SAMD7: variants seen among roughly 807,000 people sequenced by gnomAD.
SAMD7 encodes the protein sterile alpha motif domain-containing protein 7.
In SAMD7, 34 loss-of-function variants were observed where a neutral mutation model predicts 36.7. The observed-to-expected ratio is 0.93, with a 90% confidence interval of 0.71 to 1.23. The LOEUF is 1.23. SAMD7 is among the 50% of genes most tolerant of loss of function. The pLI is 0.00. For synonymous variants in SAMD7, 188 were observed against 189.7 expected, an observed-to-expected ratio of 0.99 and a Z score of 0.07; for missense variants, 570 against 546.6, an observed-to-expected ratio of 1.04 and a Z score of -0.43.
In SAMD7 at chr3:169,928,573, G is replaced by A. The variant is rs753551961; in HGVS notation, c.1036G>A (p.Ala346Thr). The change falls in exon 7 of 9, where the codon GCT (alanine) becomes ACT (threonine). Residue 346 changes from alanine (A) to threonine (T), a missense_variant. Physicochemically the swap from Ala to Thr is moderately conservative, Grantham distance 58. Transcript: ENST00000335556. ...CAGCCTTCCAGGTTGTTCAGACTAT[G>A]CTCAGGTGACTTAATGTTTAAGTAT... ...IRSLPGCSDYAQVFKDHAIDG... is the reference protein window; with the variant it reads ...IRSLPGCSDYTQVFKDHAIDG... The A allele has an allele frequency of 3.7e-6, 6 of 1,612,950 alleles. No homozygotes were observed. The African/African-American group carries it at 4.0e-5, about 11-fold the overall frequency.
intron 2 of SAMD7, among the ~76,000 whole-genome samples, chr3:169,917,634 T>TTTA (rs980445367): frequency 6.6e-6 from 1 of 150,588 alleles, no homozygotes; most frequent in African/African-American, 2.4e-5. Flanking sequence ...TGTTTATTTA[T>TTTA]TTATTTATTT....
At position 169,922,640 on chromosome 3, in the gene SAMD7, C is replaced by G. The variant is rs527274426; in HGVS notation, c.211+1302C>G. On this transcript the variant is annotated intron_variant, in intron 4 of 8. Coordinates refer to ENST00000335556, the MANE Select transcript of SAMD7 (RefSeq NM_001304366.2). Reference sequence around the variant, plus strand: ...TCAGCCTGCCAAGTAGCTGGGATTACAGGTGTGCGCCACCACACCCGGCTA... The same window carrying G: ...TCAGCCTGCCAAGTAGCTGGGATTAGAGGTGTGCGCCACCACACCCGGCTA... Among the ~76,000 whole-genome samples the G allele has an allele frequency of 1.6e-3, 247 of 152,306 alleles. 1 individual carries two copies. The highest frequency in any genetic ancestry group is 5.7e-3 in the African/African-American group (238 of 41,580).
Position 169,919,478 on chromosome 3 carries a change from A to G in SAMD7, c.-21A>G, listed in dbSNP as rs747874606. 3.8e-6 allele frequency: 6 copies of G among 1,599,226 alleles called. No individual in the cohort carries two copies. In the African/African-American group the frequency reaches 4.0e-5, roughly 11 times the overall value. ...TTTAGAACTCCATTAGTGGCGAGAG[A>G]TATTGAAGACAAACCCGGTGATGGC... is the stretch of plus-strand genomic sequence containing the variant. On this transcript the variant is annotated 5_prime_UTR_variant, in exon 3 of 9. Transcript: ENST00000335556.
chr3:169,924,041 G>A (rs1001844249), intron 4 of SAMD7, among the ~76,000 whole-genome samples: 5 of 152,128 alleles, frequency 3.3e-5, no homozygotes, highest in Admixed American at 6.5e-5. Flanking sequence ...CTCTGTGTCC[G>A]TGGGCAGTAT....
At position 169,926,861 on chromosome 3, in the gene SAMD7, G is replaced by A. The variant is rs150704593; in HGVS notation, c.599G>A (p.Ser200Asn). ...NQKALDSDAE[S>N]SKSQAEEKIL... Reference sequence around the variant, plus strand: ...AAAGCTCTAGACAGTGATGCTGAGAGTTCCAAAAGTCAAGCAGAAGAAAAA... The same window carrying A: ...AAAGCTCTAGACAGTGATGCTGAGAATTCCAAAAGTCAAGCAGAAGAAAAA... The change falls in exon 6 of 9, where the codon AGT becomes AAT. Residue 200 changes from serine to asparagine, a missense_variant. Coordinates refer to ENST00000335556, the MANE Select transcript of SAMD7 (RefSeq NM_001304366.2). The A allele has an allele frequency of 3.5e-5, 56 of 1,613,918 alleles. No individual in the cohort carries two copies. In the African/African-American group the frequency reaches 6.7e-4, roughly 19 times the overall value.
intron 7 of SAMD7, chr3:169,932,380 A>C (rs112535581): frequency 1.5e-6 from 1 of 650,876 alleles, no homozygotes; most frequent in African/African-American, 1.8e-5. Flanking sequence ...TTTCGAACCT[A>C]AGTAGTATAG....
intron 2 of SAMD7, among the ~76,000 whole-genome samples, chr3:169,915,769 G>A (rs1712772124): frequency 6.6e-6 from 1 of 151,412 alleles, no homozygotes; most frequent in Non-Finnish European, 1.5e-5. Context: ...GTAGAGACGG[G>A]GTTTCACCAT....
intron 7 of SAMD7, among the ~76,000 whole-genome samples, chr3:169,931,741 G>A (rs1713502783): frequency 6.6e-6 from 1 of 152,230 alleles, no homozygotes; most frequent in African/African-American, 2.4e-5. Flanking sequence ...CCAGGGAATG[G>A]TGGGAGCTGC....
intron 4 of SAMD7, among the ~76,000 whole-genome samples, chr3:169,924,338 C>T (rs1475284866): frequency 6.6e-6 from 1 of 151,984 alleles, no homozygotes; most frequent in African/African-American, 2.4e-5. Context: ...CCTGTAATCC[C>T]AGCACTTTGG....
At chr3:169,933,602 C>G (rs990996868) in intron 7 of SAMD7, among the ~76,000 whole-genome samples, 1 of 152,206 alleles carries the variant, frequency 6.6e-6, no homozygotes, top group Non-Finnish European at 1.5e-5. Context: ...AGTCCTTTCT[C>G]CACACCGGTG....
At chr3:169,928,653 A>G in intron 7 of SAMD7, 75 bp downstream of exon 7, 3 of 1,447,426 alleles carry the variant, frequency 2.1e-6, no homozygotes, top group South Asian at 2.4e-5. Context: ...AATTAGGTCA[A>G]ACTTGCATTG....
Position 169,927,163 on chromosome 3 carries a change from C to T in SAMD7, c.901C>T (p.Pro301Ser). 1.3e-6 allele frequency: 2 copies of T among 1,531,018 alleles called. No homozygotes were observed. The highest frequency in any genetic ancestry group is 1.3e-5 in the South Asian group (1 of 75,738). The allele number at this position is 1,531,018 out of a possible 1,614,324, so 94.8% of individuals were successfully genotyped here. Residue 301 changes from proline (P) to serine (S), a missense_variant, in exon 6 of 9, where the codon CCT (proline) becomes TCT (serine). Physicochemically the swap from Pro to Ser is moderately conservative, Grantham distance 74. Transcript: ENST00000335556. ...AAAGAATGGGGTTTGCCCTCCAGTT[C>T]CTCGACCATCTCTGCCAGGTGGGTG... is the stretch of plus-strand genomic sequence containing the variant. ...DEKNGVCPPV[P>S]RPSLPGTHAL... is the part of the protein sequence containing the mutation.
chr3:169,918,150 T>A (rs897838443), intron 2 of SAMD7, among the ~76,000 whole-genome samples: 1 of 149,500 alleles, frequency 6.7e-6, no homozygotes, highest in Non-Finnish European at 1.5e-5. Context: ...GTTGGCCAGG[T>A]TCGTCTTGAA....
chr3:169,938,443 C>T lies in SAMD7; in HGVS notation c.1278C>T (p.Asn426=), dbSNP rs1713802234. The change falls in exon 9 of 9, where the codon AAC becomes AAT. Residue 426 remains asparagine, a synonymous_variant. Coordinates refer to ENST00000335556, the MANE Select transcript of SAMD7 (RefSeq NM_001304366.2). ...LDPNSWSDTM[N]IFCPQDTIIP... The stretch of plus-strand genomic sequence containing the variant: ...CTAATTCCTGGAGTGATACAATGAA[C>T]ATTTTTTGTCCCCAGGATACAATAA... 7 of 1,612,912 alleles carry T rather than the reference C, an allele frequency of 4.3e-6. No individual in the cohort carries two copies. Among genetic ancestry groups the T allele is most frequent in the Non-Finnish European group, 5.9e-6 (7 of 1,179,036 alleles).
In SAMD7 at chr3:169,919,506, T is replaced by C. The variant is rs945347535; in HGVS notation, c.8T>C (p.Val3Ala). 1 of 1,614,014 alleles carries C rather than the reference T, an allele frequency of 6.2e-7. No homozygotes were observed. Among genetic ancestry groups the C allele is most frequent in the Non-Finnish European group, 8.5e-7 (1 of 1,179,950 alleles). The change falls in exon 3 of 9, where the codon GTG (valine) becomes GCG (alanine). Residue 3 changes from valine (V) to alanine (A), a missense_variant. Coordinates refer to ENST00000335556, the MANE Select transcript of SAMD7 (RefSeq NM_001304366.2). Reference protein sequence around the residue: MAVNPLLTPTGQQ... With the variant: MAANPLLTPTGQQ... ...TTGAAGACAAACCCGGTGATGGCTG[T>C]GAACCCTTTATTGACACCAACAGGG...
At chr3:169,913,662 C>A (rs1412322120) in intron 1 of SAMD7, among the ~76,000 whole-genome samples, 1 of 152,170 alleles carries the variant, frequency 6.6e-6, no homozygotes, top group Non-Finnish European at 1.5e-5. Context: ...TTGGGATTAC[C>A]AGACACGCTC....
chr3:169,929,361 A>G (rs971582247), intron 7 of SAMD7, among the ~76,000 whole-genome samples: 1 of 151,124 alleles, frequency 6.6e-6, no homozygotes, highest in Non-Finnish European at 1.5e-5. Context: ...AGAAAGCAAG[A>G]AAAGGATATT....
At position 169,926,578 on chromosome 3, in the gene SAMD7, T is replaced by C. The variant is rs201948772; in HGVS notation, c.316T>C (p.Tyr106His). Reference sequence around the variant, plus strand: ...GACAGAAATGGAAATGTATGCTATTTACCAGCAAAGGAGAATGGAAAAAAT... The same window carrying C: ...GACAGAAATGGAAATGTATGCTATTCACCAGCAAAGGAGAATGGAAAAAAT... ...ARTEMEMYAI[Y>H]QQRRMEKINP... Residue 106 changes from tyrosine (Y) to histidine (H), a missense_variant, in exon 6 of 9, where the codon TAC (tyrosine) becomes CAC (histidine). Transcript: ENST00000335556. 97 of 1,611,178 alleles carry C rather than the reference T, an allele frequency of 6.0e-5. No individual in the cohort carries two copies. Among genetic ancestry groups the C allele is most frequent in the Non-Finnish European group, 7.2e-5 (85 of 1,178,302 alleles).
rs1239302053 is a variant in SAMD7 at position 169,927,030 on chromosome 3, GC to G, written c.771del (p.Thr258ProfsTer13). Reference sequence around the variant, plus strand: ...TTGCCAACACCTGTGGAGAGCTCGAGCCCACCCATAGGAAACCCTGGGGGTC... The same window carrying G: ...TTGCCAACACCTGTGGAGAGCTCGAGCCACCCATAGGAAACCCTGGGGGTC... Reference protein sequence around the residue: ...ALANTCGELEPTHRKPWGSHT... With the variant: ...ALANTCGELEXTHRKPWGSHT... On this transcript the variant is annotated frameshift_variant, in exon 6 of 9. Coordinates refer to ENST00000335556, the MANE Select transcript of SAMD7 (RefSeq NM_001304366.2). LOFTEE classifies it high-confidence loss of function. 6.2e-7 allele frequency: 1 copy of G among 1,612,848 alleles called. No homozygotes were observed. The highest frequency in any genetic ancestry group is 1.1e-5 in the South Asian group (1 of 91,008).
Sources: allele counts gnomAD v4.1 joint callset (sites outside exome capture counted in the v4.1 genomes callset), GRCh38; gene constraint gnomAD v4.1.1; transcripts MANE v1.5; gene names NCBI Gene and HGNC (gene_info 2026-07-23, HGNC 2026-07-21).